AGO4: variants seen among roughly 807,000 people sequenced by gnomAD.
AGO4 encodes the protein protein argonaute-4.
A neutral mutation model predicts 104.7 loss-of-function variants in AGO4; 33 were observed. The observed-to-expected ratio is 0.32, with a 90% CI of 0.24 to 0.42. The LOEUF is 0.42. Among genes scored for constraint, AGO4 ranks in the 10% least tolerant of loss-of-function variants. AGO4 has a pLI of 1.00. For missense variants in AGO4, 711 were observed against 1,083.4 expected (o/e 0.66, Z 4.83); for synonymous variants, 331 against 364.7 (o/e 0.91, Z 1.05).
At chr1:35,818,674 G>GAAGGAAGGAAGGAAGA (rs1557552319) in intron 2 of AGO4, among the ~76,000 whole-genome samples, 9 of 138,316 alleles carry the variant, frequency 6.5e-5, no homozygotes, top group African/African-American at 2.5e-4. Context: ...AGAAAGGAAG[G>GAAGGAAGGAAGGAAGA]AAGGAAGGAA....
rs550122060 is a variant in AGO4 at position 35,825,005 on chromosome 1, A to G, written c.307-308A>G. Among the ~76,000 whole-genome samples the G allele has an allele frequency of 8.5e-5, 13 of 152,276 alleles. No homozygotes were observed. The East Asian group carries it at 2.1e-3, about 25-fold the overall frequency. ...ACTTTCTGTCCCTTTAAATTTGACT[A>G]TTCAATGTACTTCATAGAAATAGAA... On this transcript the variant is annotated intron_variant, in intron 3 of 17. Coordinates refer to ENST00000373210, the MANE Select transcript of AGO4 (RefSeq NM_017629.4).
At chr1:35,842,252 C>G in intron 15 of AGO4, among the ~76,000 whole-genome samples, 1 of 152,104 alleles carries the variant, frequency 6.6e-6, no homozygotes, top group Non-Finnish European at 1.5e-5. Flanking sequence ...TCATTACCAC[C>G]TGAGCTCTGC....
chr1:35,826,706 A>G, intron 6 of AGO4, 42 bp from the exon 7 acceptor site: 1 of 1,523,446 alleles, frequency 6.6e-7, no homozygotes. Context: ...TGCCACTGTG[A>G]TTTTAATTAA....
Position 35,808,991 on chromosome 1 carries a change from G to A in AGO4, c.19+556G>A, listed in dbSNP as rs2148643107. Among the ~76,000 whole-genome samples the A allele has an allele frequency of 6.6e-6, 1 of 152,298 alleles. No individual in the cohort carries two copies. The highest frequency in any genetic ancestry group is 2.1e-4 in the South Asian group (1 of 4,828). ...CCCACCCTTTCTGAAAGGCCCTGAT[G>A]TCCCAAAGAACATGGTCCTGTGCCT... On this transcript the variant is annotated intron_variant, in intron 1 of 17. Transcript: ENST00000373210. This position sits in a 1 kb window ranked among gnomAD's most constrained non-coding sequence, Gnocchi z 5.2.
chr1:35,807,819 T>A (rs888335401), upstream of AGO4, among the ~76,000 whole-genome samples: 1 of 152,028 alleles, frequency 6.6e-6, no homozygotes, highest in Non-Finnish European at 1.5e-5. Context: ...CACTTTCCAC[T>A]CACAGAAGTG....
intron 15 of AGO4, among the ~76,000 whole-genome samples, chr1:35,849,370 T>A (rs1039572177): frequency 6.6e-6 from 1 of 151,362 alleles, no homozygotes; most frequent in African/African-American, 2.4e-5. Context: ...GCCAGTGACT[T>A]TTTTTTTATT....
intron 15 of AGO4, among the ~76,000 whole-genome samples, chr1:35,845,407 A>C (rs1644548941): frequency 6.6e-6 from 1 of 151,762 alleles, no homozygotes; most frequent in Admixed American, 6.6e-5. Context: ...GGGTTTCACT[A>C]TGTTGGCCAG....
At chr1:35,833,712 C>T (rs938730130) in intron 11 of AGO4, among the ~76,000 whole-genome samples, 6 of 152,172 alleles carry the variant, frequency 3.9e-5, no homozygotes, top group Admixed American at 3.9e-4. Context: ...CAATGCTATT[C>T]TAGTTCAGCT....
Position 35,841,770 on chromosome 1 carries a change from G to C in AGO4, c.2175+20G>C, listed in dbSNP as rs1644448908. On this transcript the variant is annotated intron_variant, in intron 15 of 17. Transcript: ENST00000373210. The surrounding 1 kb of genome is among the most constrained non-coding windows in gnomAD (Gnocchi z 4.7). ...GAAAGGGTAAGAAGATATAATATAA[G>C]CTTTGTTATCTGAGGCTCTGGCAAG... 1 of 1,602,336 alleles carries C rather than the reference G, an allele frequency of 6.2e-7. No individual in the cohort carries two copies. The highest frequency in any genetic ancestry group is 8.5e-7 in the Non-Finnish European group (1 of 1,173,662).
intron 17 of AGO4, among the ~76,000 whole-genome samples, chr1:35,853,229 A>C (rs1050019624): frequency 7.5e-5 from 11 of 146,340 alleles, no homozygotes; most frequent in African/African-American, 2.3e-4. Context: ...CCAGCCTGGG[A>C]GACAGCGAGA....
In AGO4 at chr1:35,832,397, TTTCTTCTTC is replaced by T. The variant is rs761785153; in HGVS notation, c.1246-25_1246-17del. On this transcript the variant is annotated intron_variant, in intron 10 of 17. Coordinates refer to ENST00000373210, the MANE Select transcript of AGO4 (RefSeq NM_017629.4). ...GTAATGTCTTTTCTCTTTTCTTTTG[TTTCTTCTTC>T]TTCTTCTTCTTCTTTTTTTTTTTTT... The T allele has an allele frequency of 3.4e-5, 52 of 1,522,906 alleles. No individual in the cohort carries two copies. In the South Asian group the frequency reaches 5.1e-4, roughly 15 times the overall value. 94.3% of individuals were successfully genotyped at this position (1,522,906 alleles called of 1,614,324 possible). A position where few individuals can be genotyped will look rare whatever the true frequency, so the allele number is the denominator to read the frequency against.
rs1459375060 is a variant in AGO4, at chr1:35,855,859, T to G, written c.*2254T>G. 2 of 152,184 alleles carry G rather than the reference T, an allele frequency of 1.3e-5. No homozygotes were observed. Among genetic ancestry groups the G allele is most frequent in the Non-Finnish European group, 2.9e-5 (2 of 68,052 alleles). 9.4% of individuals were successfully genotyped at this position (152,184 alleles called of 1,614,324 possible). A position where few individuals can be genotyped will look rare whatever the true frequency, so the allele number is the denominator to read the frequency against. ...AAGGAGGACTTGCTGGAATCCAAGATGTGAAGAACTCTTGGTGACTGGCTG... is the reference window on the plus strand; with the variant it reads ...AAGGAGGACTTGCTGGAATCCAAGAGGTGAAGAACTCTTGGTGACTGGCTG... On this transcript the variant is annotated 3_prime_UTR_variant, in exon 18 of 18. Coordinates refer to ENST00000373210, the MANE Select transcript of AGO4 (RefSeq NM_017629.4).
chr1:35,837,541 G>T (rs574886240), intron 13 of AGO4, among the ~76,000 whole-genome samples: 1 of 151,756 alleles, frequency 6.6e-6, no homozygotes, highest in South Asian at 2.1e-4. Context: ...CACCATGCTC[G>T]GCTAATGTTT....
Position 35,831,774 on chromosome 1 carries a change from C to T in AGO4, c.997-38C>T, listed in dbSNP as rs985583466. On this transcript the variant is annotated intron_variant, in intron 8 of 17. Coordinates refer to ENST00000373210, the MANE Select transcript of AGO4 (RefSeq NM_017629.4). Reference sequence around the variant, plus strand: ...TTTGGCAAAGGTTTAAGATGTGGAACCCTTTACACAAACCAATTTCTCTTT... The same window carrying T: ...TTTGGCAAAGGTTTAAGATGTGGAATCCTTTACACAAACCAATTTCTCTTT... 9 of 1,611,420 alleles carry T rather than the reference C, an allele frequency of 5.6e-6. No individual in the cohort carries two copies. The Admixed American group carries it at 1.2e-4, about 21-fold the overall frequency.
intron 15 of AGO4, among the ~76,000 whole-genome samples, chr1:35,849,193 G>A (rs1041272413): frequency 6.6e-6 from 1 of 152,124 alleles, no homozygotes; most frequent in African/African-American, 2.4e-5. Context: ...TAGAGTTTTT[G>A]CTTGGAATTT....
chr1:35,826,614 C>T (rs554587929), intron 6 of AGO4, 134 bp from the exon 7 acceptor site: 37 of 786,908 alleles, frequency 4.7e-5, no homozygotes, highest in East Asian at 2.1e-4. Context: ...TTGCCTATAA[C>T]GATGAAATTG....
intron 1 of AGO4, among the ~76,000 whole-genome samples, chr1:35,814,317 AT>A (rs937149028): frequency 9.9e-5 from 15 of 151,720 alleles, no homozygotes; most frequent in African/African-American, 2.7e-4. Context: ...TTTTTTTTAA[AT>A]TTTTTTTATT....
At position 35,850,392 on chromosome 1, in the gene AGO4, G is replaced by A; in HGVS notation, c.2277+134G>A. 3.9e-6 allele frequency: 3 copies of A among 767,478 alleles called. No individual in the cohort carries two copies. In the South Asian group the frequency reaches 4.3e-5, roughly 11 times the overall value. 47.5% of individuals were successfully genotyped at this position (767,478 alleles called of 1,614,324 possible). A position where few individuals can be genotyped will look rare whatever the true frequency, so the allele number is the denominator to read the frequency against. ...GCTTGTATCCTAGAATTATCTTTTG[G>A]TCTAGGTATCTGCTTGTAGGTGTGC... is the stretch of plus-strand genomic sequence containing the variant. On this transcript the variant is annotated intron_variant, in intron 16 of 17. Transcript: ENST00000373210.
intron 6 of AGO4, 68 bp from the exon 7 acceptor site, chr1:35,826,680 C>A (rs1644027855): frequency 7.7e-7 from 1 of 1,303,776 alleles, no homozygotes; most frequent in Non-Finnish European, 1.1e-6. Context: ...TTGAAGACAA[C>A]ATTTGAATCT....
Sources: allele counts gnomAD v4.1 joint callset (sites outside exome capture counted in the v4.1 genomes callset), GRCh38; gene constraint gnomAD v4.1.1; non-coding constraint Gnocchi (gnomAD v3.1); transcripts MANE v1.5; gene names NCBI Gene and HGNC (gene_info 2026-07-23, HGNC 2026-07-21).